The following CNTNAP4 variants were observed in gnomAD, a reference collection of about 807,000 sequenced individuals.
The protein encoded by CNTNAP4 is contactin associated protein family member 4, also known as contactin-associated protein-like 4.
Under a neutral mutation model 148.4 loss-of-function variants are expected in CNTNAP4, and 98 were observed. The observed-to-expected ratio is 0.66, with a 90% CI of 0.56 to 0.78. The LOEUF is 0.78. Among genes scored for constraint, CNTNAP4 ranks in the 30% least tolerant of loss-of-function variants. The pLI, the probability that CNTNAP4 is intolerant of heterozygous loss-of-function variation, is 0.00. For missense variants in CNTNAP4, 1,935 were observed against 1,565.6 expected (o/e 1.24, Z -3.98); for synonymous variants, 730 against 565.1 (o/e 1.29, Z -4.14).
intron 2 of CNTNAP4, among the ~76,000 whole-genome samples, chr16:76,329,715 G>C (rs956424948): frequency 6.6e-6 from 1 of 151,910 alleles, no homozygotes; most frequent in African/African-American, 2.4e-5. Context: ...TTTTTTCTTT[G>C]ATCTCTTTTT....
chr16:76,295,801 A>T (rs28656893), intron 1 of CNTNAP4, among the ~76,000 whole-genome samples: 10,954 of 152,170 alleles, frequency 0.072, 1,238 homozygotes, highest in African/African-American at 0.24. Context: ...TGTAGCTACT[A>T]TTCTTCTGAA....
At chr16:76,542,559 A>G (rs192038502) in intron 21 of CNTNAP4, among the ~76,000 whole-genome samples, 1 of 152,066 alleles carries the variant, frequency 6.6e-6, no homozygotes, top group Non-Finnish European at 1.5e-5. Context: ...TGGGAAAGGG[A>G]TGAGAGCCCC....
intron 2 of CNTNAP4, among the ~76,000 whole-genome samples, chr16:76,343,682 G>T (rs185764287): frequency 6.7e-4 from 102 of 152,098 alleles, no homozygotes; most frequent in African/African-American, 2.3e-3. Flanking sequence ...GCTTACATTT[G>T]CTCTCTTCCC....
rs183002311 is a variant in CNTNAP4 at position 76,298,568 on chromosome 16, G to A, written c.86-17845G>A. Among the ~76,000 whole-genome samples the A allele has an allele frequency of 4.2e-4, 62 of 148,992 alleles. No homozygotes were observed. In the East Asian group the frequency reaches 9.7e-3, roughly 23 times the overall value. On this transcript the variant is annotated intron_variant, in intron 1 of 23. Transcript: ENST00000611870. ...GTGCTGAGAAGCAGCCAGAGTCTCA[G>A]TTCTAGGGTCCACCCAAGCGGAAGA...
intron 21 of CNTNAP4, among the ~76,000 whole-genome samples, chr16:76,552,144 G>A: frequency 8.4e-4 from 1 of 1,190 alleles, no homozygotes; most frequent in South Asian, 0.17. Flanking sequence ...CAGCAGGAGA[G>A]AGAAGAAGGA....
Position 76,538,952 on chromosome 16 carries a change from G to T in CNTNAP4, c.3220+612G>T, listed in dbSNP as rs570311961. Among the ~76,000 whole-genome samples, 7 of 152,084 alleles carry T rather than the reference G, an allele frequency of 4.6e-5. No individual in the cohort carries two copies. In the South Asian group the frequency reaches 1.2e-3, roughly 27 times the overall value. On this transcript the variant is annotated intron_variant, in intron 19 of 23. Coordinates refer to ENST00000611870, the MANE Select transcript of CNTNAP4 (RefSeq NM_033401.5). ...AAAAATTTTGGAAATAACTTCTCTG[G>T]ATAAGAAAAGCAAACATACAAACAT...
intron 3 of CNTNAP4, among the ~76,000 whole-genome samples, chr16:76,405,419 A>T (rs1597440005): frequency 6.6e-6 from 1 of 152,178 alleles, no homozygotes; most frequent in African/African-American, 2.4e-5. Context: ...AACCCATGCA[A>T]TGGAAAATTC....
intron 17 of CNTNAP4, 141 bp downstream of exon 17, chr16:76,522,398 C>T: frequency 1.3e-6 from 1 of 741,328 alleles, no homozygotes; most frequent in East Asian, 2.7e-5. Context: ...CAAACTGTGT[C>T]CAAATGCTTC....
At chr16:76,334,176 T>TATAATAATAATAATA (rs56790152) in intron 2 of CNTNAP4, among the ~76,000 whole-genome samples, 6 of 149,390 alleles carry the variant, frequency 4.0e-5, no homozygotes, top group African/African-American at 1.5e-4. Context: ...AAACTTAAAG[T>TATAATAATAATAATA]ATAATAATAA....
intron 1 of CNTNAP4, among the ~76,000 whole-genome samples, chr16:76,289,759 C>T (rs1014955583): frequency 1.3e-4 from 20 of 151,976 alleles, no homozygotes; most frequent in African/African-American, 4.3e-4. Context: ...TTAGTAGAGG[C>T]GGGGTTTCAC....
intron 3 of CNTNAP4, among the ~76,000 whole-genome samples, chr16:76,376,397 G>A (rs1184816701): frequency 2.6e-5 from 4 of 152,182 alleles, no homozygotes; most frequent in African/African-American, 9.7e-5. Context: ...GTATGTGATG[G>A]AGTGAGAGGA....
intron 2 of CNTNAP4, among the ~76,000 whole-genome samples, chr16:76,326,193 C>T (rs1202967839): frequency 6.6e-6 from 1 of 152,198 alleles, no homozygotes; most frequent in Admixed American, 6.5e-5. Flanking sequence ...AAAAGCCACT[C>T]TGTTGCATGA....
intron 17 of CNTNAP4, among the ~76,000 whole-genome samples, chr16:76,529,802 TA>T (rs540790796): frequency 7.5e-4 from 114 of 152,114 alleles, no homozygotes; most frequent in Admixed American, 3.0e-3. Flanking sequence ...TGTTGAACTC[TA>T]AACATATTGA....
At chr16:76,321,787 CAAA>C (rs5817984) in intron 2 of CNTNAP4, among the ~76,000 whole-genome samples, 17,710 of 106,100 alleles carry the variant, frequency 0.17, 1,935 homozygotes, top group East Asian at 0.54. Context: ...GACTCAGTCT[CAAA>C]AAAAAAAAAA....
In CNTNAP4 at chr16:76,447,898, A is replaced by C. The variant is rs562793407; in HGVS notation, c.539-114A>C. The C allele has an allele frequency of 1.5e-5, 10 of 687,344 alleles. No individual in the cohort carries two copies. In the South Asian group the frequency reaches 1.9e-4, roughly 13 times the overall value. The allele number at this position is 687,344 out of a possible 1,614,324, so 42.6% of individuals were successfully genotyped here. A position where few individuals can be genotyped will look rare whatever the true frequency, so the allele number is the denominator to read the frequency against. On this transcript the variant is annotated intron_variant, in intron 4 of 23. Transcript: ENST00000611870. ...CCATCATTAGTTGAGGAGCATCTGT[A>C]TATGCATGTGTATGAGTACGTATAC...
intron 3 of CNTNAP4, among the ~76,000 whole-genome samples, chr16:76,406,715 C>T (rs1161484179): frequency 2.0e-5 from 3 of 152,174 alleles, no homozygotes; most frequent in African/African-American, 7.2e-5. Context: ...CCACTACATT[C>T]CCTTAAGCCA....
At position 76,539,823 on chromosome 16, in the gene CNTNAP4, A is replaced by G. The variant is rs759063667; in HGVS notation, c.3325A>G (p.Asn1109Asp). Residue 1109 changes from asparagine (N) to aspartate (D), a missense_variant, in exon 20 of 24, where the codon AAC becomes GAC. Asn to Asp is a conservative substitution (Grantham distance 23). Coordinates refer to ENST00000611870, the MANE Select transcript of CNTNAP4 (RefSeq NM_033401.5). ...TGGACAACTTCACCACATAATGATTAACAGAGAAGAAGGAGTGGTCTTTAT... is the reference window on the plus strand; with the variant it reads ...TGGACAACTTCACCACATAATGATTGACAGAGAAGAAGGAGTGGTCTTTAT... ...ADGQLHHIMI[N>D]REEGVVFIEI... is the part of the protein sequence containing the mutation. 1 of 1,597,304 alleles carries G rather than the reference A, an allele frequency of 6.3e-7. No homozygotes were observed.
chr16:76,304,322 G>A (rs1282267462), intron 1 of CNTNAP4, among the ~76,000 whole-genome samples: 1 of 152,108 alleles, frequency 6.6e-6, no homozygotes, highest in African/African-American at 2.4e-5. Context: ...AAGGCGACAG[G>A]TAACCTGATA....
At chr16:76,530,106 T>A (rs551770349) in intron 17 of CNTNAP4, among the ~76,000 whole-genome samples, 1 of 152,268 alleles carries the variant, frequency 6.6e-6, no homozygotes, top group African/African-American at 2.4e-5. Flanking sequence ...TCATATAAAT[T>A]TATTATAAGA....
Sources: allele counts gnomAD v4.1 joint callset (sites outside exome capture counted in the v4.1 genomes callset), GRCh38; gene constraint gnomAD v4.1.1; transcripts MANE v1.5; gene names NCBI Gene and HGNC (gene_info 2026-07-23, HGNC 2026-07-21).